BBS9: variants seen among roughly 807,000 people sequenced by gnomAD.
The protein encoded by BBS9 is Bardet-Biedl syndrome 9.
A neutral mutation model predicts 117.7 loss-of-function variants in BBS9; 89 were observed. The observed-to-expected ratio is 0.76, with a 90% CI of 0.64 to 0.90. BBS9 has a LOEUF of 0.90. BBS9 is among the 40% of genes least tolerant of loss of function. The probability of loss-of-function intolerance (pLI) is 0.00; values close to 1 mark genes in which losing one functional copy is unlikely to be tolerated. For missense variants in BBS9, 982 were observed against 1,042.2 expected (o/e 0.94, Z 0.80); for synonymous variants, 379 against 370.9 (o/e 1.02, Z -0.25).
chr7:33,531,236 A>T lies in BBS9; in HGVS notation c.2299-2718A>T, dbSNP rs1027371387. ...CTCTAGCCTGGGCAACAAGAGCTAA[A>T]CTCTGTCTCAATAGAGAGAGGGAGA... is the stretch of plus-strand genomic sequence containing the variant. On this transcript the variant is annotated intron_variant, in intron 20 of 22. Transcript: ENST00000242067. Among the ~76,000 whole-genome samples, 3 of 152,202 alleles carry T rather than the reference A, an allele frequency of 2.0e-5. No homozygotes were observed. The East Asian group carries it at 5.8e-4, about 29-fold the overall frequency.
chr7:33,426,175 TATA>T (rs1833634737), intron 19 of BBS9, among the ~76,000 whole-genome samples: 1 of 152,140 alleles, frequency 6.6e-6, no homozygotes, highest in South Asian at 2.1e-4. Flanking sequence ...CCAGCTTACT[TATA>T]ATAGGAATTC....
At position 33,273,185 on chromosome 7, in the gene BBS9, A is replaced by G. The variant is rs1800134576; in HGVS notation, c.876A>G (p.Pro292=). 6.2e-7 allele frequency: 1 copy of G among 1,613,590 alleles called. No homozygotes were observed. The highest frequency in any genetic ancestry group is 8.5e-7 in the Non-Finnish European group (1 of 1,179,758). Residue 292 remains proline (P), a synonymous_variant, in exon 8 of 23, where the codon CCA becomes CCG. Coordinates refer to ENST00000242067, the MANE Select transcript of BBS9 (RefSeq NM_198428.3). The stretch of plus-strand genomic sequence containing the variant: ...ATTGGAGCCCAAGTTGTTTTCTGCC[A>G]TATTGCTCAGGTGTGTAGAAAGATT... ...KLDWSPSCFL[P]YCSVSEGTIN...
chr7:33,403,630 A>G (rs1829359696), intron 19 of BBS9, among the ~76,000 whole-genome samples: 1 of 151,556 alleles, frequency 6.6e-6, no homozygotes, highest in East Asian at 2.0e-4. Context: ...CCATGTCCCT[A>G]CAAAGGACAT....
intron 5 of BBS9, among the ~76,000 whole-genome samples, chr7:33,230,530 C>T (rs1792157141): frequency 6.6e-6 from 1 of 152,150 alleles, no homozygotes; most frequent in African/African-American, 2.4e-5. Context: ...CCAAATAGTG[C>T]ACATTGCACC....
At chr7:33,135,350 G>A (rs144414416) in intron 1 of BBS9, among the ~76,000 whole-genome samples, 201 of 152,252 alleles carry the variant, frequency 1.3e-3, no homozygotes, top group African/African-American at 4.7e-3. Flanking sequence ...GACATATTTT[G>A]AGTTAATTTT....
At chr7:33,285,699 C>T (rs1802751482) in intron 9 of BBS9, among the ~76,000 whole-genome samples, 3 of 152,008 alleles carry the variant, frequency 2.0e-5, no homozygotes, top group African/African-American at 7.2e-5. Context: ...TGAGGTATGG[C>T]CTGTCATTTG....
chr7:33,193,700 G>A (rs575167376), intron 5 of BBS9, among the ~76,000 whole-genome samples: 11 of 152,270 alleles, frequency 7.2e-5, no homozygotes, highest in Admixed American at 5.9e-4. Context: ...AGGGTTGTCT[G>A]TAGCAGCCTT....
At chr7:33,225,195 AT>A (rs1431643778) in intron 5 of BBS9, among the ~76,000 whole-genome samples, 2 of 151,938 alleles carry the variant, frequency 1.3e-5, no homozygotes, top group African/African-American at 4.8e-5. Flanking sequence ...TATTGTTATT[AT>A]TTGTTTATAT....
chr7:33,540,472 A>G (rs1852110989), intron 21 of BBS9, among the ~76,000 whole-genome samples: 1 of 152,176 alleles, frequency 6.6e-6, no homozygotes, highest in Non-Finnish European at 1.5e-5. Context: ...GGTGTGTATT[A>G]ATGATAACTA....
chr7:33,456,538 G>A (rs1838675598), intron 19 of BBS9, among the ~76,000 whole-genome samples: 1 of 151,724 alleles, frequency 6.6e-6, no homozygotes, highest in South Asian at 2.1e-4. Flanking sequence ...TTTGTTCTAG[G>A]TGGGTTTTAT....
intron 16 of BBS9, among the ~76,000 whole-genome samples, chr7:33,366,634 T>A (rs1314232216): frequency 1.5e-5 from 2 of 129,246 alleles, no homozygotes; most frequent in Non-Finnish European, 3.1e-5. Context: ...AGCCTCCACC[T>A]CCTGGGTTCA....
intron 20 of BBS9, among the ~76,000 whole-genome samples, chr7:33,531,271 C>A (rs562187327): frequency 3.3e-5 from 5 of 152,032 alleles, no homozygotes; most frequent in Non-Finnish European, 7.4e-5. Context: ...ACAGAGAGAG[C>A]GAGCCTCATA....
chr7:33,574,702 C>CACACAT (rs1554543980), intron 21 of BBS9, among the ~76,000 whole-genome samples: 5 of 144,026 alleles, frequency 3.5e-5, no homozygotes, highest in Admixed American at 1.4e-4. Flanking sequence ...CACACACACA[C>CACACAT]ACACACACAC....
chr7:33,308,370 A>T (rs1020057986), intron 9 of BBS9, among the ~76,000 whole-genome samples: 1 of 152,210 alleles, frequency 6.6e-6, no homozygotes, highest in African/African-American at 2.4e-5. Flanking sequence ...AAATTTAGAA[A>T]AAAGTTGATT....
At chr7:33,188,981 C>G in intron 5 of BBS9, among the ~76,000 whole-genome samples, 1 of 152,168 alleles carries the variant, frequency 6.6e-6, no homozygotes, top group Middle Eastern at 3.4e-3. Flanking sequence ...TAGTATTTTG[C>G]TGAAAAAATT....
intron 12 of BBS9, among the ~76,000 whole-genome samples, chr7:33,346,893 A>G (rs1817691310): frequency 6.6e-6 from 1 of 152,142 alleles, no homozygotes; most frequent in African/African-American, 2.4e-5. Flanking sequence ...CCTGGTCACT[A>G]TTTTCAACTC....
chr7:33,397,544 A>G (rs761491770), intron 19 of BBS9, among the ~76,000 whole-genome samples: 5 of 152,198 alleles, frequency 3.3e-5, no homozygotes, highest in Non-Finnish European at 7.4e-5. Flanking sequence ...ACAGTTCACA[A>G]TAGCAAAAAC....
intron 5 of BBS9, among the ~76,000 whole-genome samples, chr7:33,182,867 A>T (rs899808220): frequency 6.6e-6 from 1 of 152,108 alleles, no homozygotes; most frequent in African/African-American, 2.4e-5. Flanking sequence ...CCCAAAATTA[A>T]GGGTTCCATT....
At chr7:33,406,785 A>G (rs924525022) in intron 19 of BBS9, among the ~76,000 whole-genome samples, 3 of 152,136 alleles carry the variant, frequency 2.0e-5, no homozygotes, top group Admixed American at 6.5e-5. Flanking sequence ...TGGCTTGTAG[A>G]GTTTCCGCCA....
Sources: gnomAD v4.1 joint callset for allele counts (sites outside exome capture counted in the v4.1 genomes callset) on GRCh38, gnomAD v4.1.1 for gene constraint, MANE v1.5 for transcripts, NCBI Gene and HGNC (gene_info 2026-07-23, HGNC 2026-07-21) for gene names.